Variants in COL5A2 observed in about 807,000 individuals in gnomAD.
The protein encoded by COL5A2 is collagen alpha-2(V) chain.
In COL5A2, 23 loss-of-function variants were observed where a neutral mutation model predicts 208.2. That is an observed-to-expected ratio of 0.11 (90% confidence interval 0.08 to 0.16). The LOEUF is 0.16. Ranked by LOEUF, COL5A2 falls within the 10% of genes least tolerant of loss-of-function variation. COL5A2 has a pLI of 1.00. For synonymous variants in COL5A2, 625 were observed against 628.5 expected (o/e 0.99, Z 0.08); for missense variants, 1,590 against 1,956.4 (o/e 0.81, Z 3.53).
the COL5A2 span, among the ~76,000 whole-genome samples, chr2:189,322,246 C>A: frequency 6.6e-6 from 1 of 151,888 alleles, no homozygotes; most frequent in Non-Finnish European, 1.5e-5. Context: ...AAATTGACAC[C>A]CTAACATCAC....
the COL5A2 span, among the ~76,000 whole-genome samples, chr2:189,405,626 T>C: frequency 4.1e-3 from 628 of 152,288 alleles, 7 homozygotes; most frequent in African/African-American, 0.014. Context: ...TGGGGAAGCA[T>C]GCAGGAAATA....
At chr2:189,090,973 T>C (rs897071857) in intron 7 of COL5A2, among the ~76,000 whole-genome samples, 3 of 152,214 alleles carry the variant, frequency 2.0e-5, no homozygotes, top group Non-Finnish European at 4.4e-5. Flanking sequence ...TGGATATAAA[T>C]AAATTTCAAC....
chr2:189,113,731 T>C (rs1445261616), intron 1 of COL5A2, among the ~76,000 whole-genome samples: 2 of 149,690 alleles, frequency 1.3e-5, no homozygotes, highest in Non-Finnish European at 3.0e-5. Context: ...ACAAAATATG[T>C]TATTATTGGA....
At chr2:189,074,537 A>C (rs1686354185) in intron 17 of COL5A2, among the ~76,000 whole-genome samples, 2 of 152,152 alleles carry the variant, frequency 1.3e-5, no homozygotes, top group African/African-American at 4.8e-5. Flanking sequence ...TGTATGTTAA[A>C]AATTTCCAAA....
At chr2:189,083,752 T>C (rs1686589886) in intron 12 of COL5A2, among the ~76,000 whole-genome samples, 1 of 152,128 alleles carries the variant, frequency 6.6e-6, no homozygotes, top group Non-Finnish European at 1.5e-5. Flanking sequence ...TTATGTTCAA[T>C]ATACTTCTCT....
At chr2:189,305,814 T>TAAA in the COL5A2 span, among the ~76,000 whole-genome samples, 1 of 139,582 alleles carries the variant, frequency 7.2e-6, no homozygotes, top group Admixed American at 7.0e-5. Context: ...ATATTCAATC[T>TAAA]AAAAAAAAAA....
the COL5A2 span, among the ~76,000 whole-genome samples, chr2:189,429,257 G>T: frequency 6.6e-6 from 1 of 152,098 alleles, no homozygotes; most frequent in Non-Finnish European, 1.5e-5. Flanking sequence ...TTTTTAGAAA[G>T]TGTTAAATTT....
intron 12 of COL5A2, 150 bp downstream of exon 12, chr2:189,083,834 G>A (rs1686592099): frequency 6.0e-6 from 4 of 663,594 alleles, no homozygotes; most frequent in Non-Finnish European, 8.0e-6. Context: ...CTGGCAAAAC[G>A]TCCTGTGACA....
chr2:189,042,447 T>G (rs1251381281), intron 49 of COL5A2, among the ~76,000 whole-genome samples: 2 of 152,184 alleles, frequency 1.3e-5, no homozygotes, highest in Non-Finnish European at 2.9e-5. Flanking sequence ...AAATTTAAAT[T>G]AACACAATGT....
At chr2:189,390,446 T>C in the COL5A2 span, among the ~76,000 whole-genome samples, 3 of 152,250 alleles carry the variant, frequency 2.0e-5, no homozygotes, top group Admixed American at 6.5e-5. Flanking sequence ...TACTCCCTAA[T>C]AGAGAGAAAG....
intron 1 of COL5A2, among the ~76,000 whole-genome samples, chr2:189,163,206 T>C (rs1186237622): frequency 6.6e-6 from 1 of 152,176 alleles, no homozygotes; most frequent in Non-Finnish European, 1.5e-5. Context: ...ATTATTCTTA[T>C]TCTTATTCTG....
rs147804340 is a variant in COL5A2 at position 189,159,387 on chromosome 2, AG to A, written c.97+20120del. ...GTCTAACATGGTGCTTAGAATCCAG[AG>A]ACCCAGAAAGCACTCAATAAATATT... On this transcript the variant is annotated intron_variant, in intron 1 of 53. Coordinates refer to ENST00000374866, the MANE Select transcript of COL5A2 (RefSeq NM_000393.5). Among the ~76,000 whole-genome samples, 104 of 152,350 alleles carry A rather than the reference AG, an allele frequency of 6.8e-4. 1 individual carries two copies. Among genetic ancestry groups the A allele is most frequent in the African/African-American group, 2.3e-3 (95 of 41,590 alleles).
the COL5A2 span, among the ~76,000 whole-genome samples, chr2:189,356,230 G>A: frequency 2.0e-5 from 3 of 152,112 alleles, no homozygotes; most frequent in Non-Finnish European, 4.4e-5. Flanking sequence ...CCACCTTGGT[G>A]AATCTGAGAA....
At chr2:189,056,127 G>A (rs1173641106) in intron 35 of COL5A2, among the ~76,000 whole-genome samples, 1 of 152,080 alleles carries the variant, frequency 6.6e-6, no homozygotes, top group Non-Finnish European at 1.5e-5. Flanking sequence ...TTAATCTAAA[G>A]CTATTATAAC....
At chr2:189,283,115 A>G in the COL5A2 span, among the ~76,000 whole-genome samples, 1 of 152,046 alleles carries the variant, frequency 6.6e-6, no homozygotes, top group Non-Finnish European at 1.5e-5. Context: ...ATAAAGAGCT[A>G]TGGAGTCTTC....
chr2:189,038,714 T>C (rs1248834964), intron 51 of COL5A2, among the ~76,000 whole-genome samples: 1 of 152,186 alleles, frequency 6.6e-6, no homozygotes, highest in Non-Finnish European at 1.5e-5. Context: ...TTTTATTTTT[T>C]TGAGACACAG....
chr2:189,399,648 A>G, the COL5A2 span, among the ~76,000 whole-genome samples: 1 of 152,042 alleles, frequency 6.6e-6, no homozygotes, highest in Non-Finnish European at 1.5e-5. Context: ...TATAGTTTCA[A>G]TGTCTTCTGC....
At chr2:189,180,182 T>C (rs937731128), upstream of COL5A2, among the ~76,000 whole-genome samples, 1 of 152,112 alleles carries the variant, frequency 6.6e-6, no homozygotes, top group African/African-American at 2.4e-5. Flanking sequence ...CTTCTCCACC[T>C]TAAATCTTTA....
chr2:189,083,543 A>G (rs1398385231), intron 12 of COL5A2, among the ~76,000 whole-genome samples: 2 of 152,154 alleles, frequency 1.3e-5, no homozygotes, highest in Non-Finnish European at 2.9e-5. Flanking sequence ...AAACAAGGCA[A>G]CAAGCTTTTC....
Sources: gnomAD v4.1 joint callset for allele counts (sites outside exome capture counted in the v4.1 genomes callset) on GRCh38, gnomAD v4.1.1 for gene constraint, MANE v1.5 for transcripts, NCBI Gene and HGNC (gene_info 2026-07-23, HGNC 2026-07-21) for gene names.